CORIN: variants seen among roughly 807,000 people sequenced by gnomAD.
CORIN encodes the protein corin, serine peptidase.
CORIN carries 117 observed loss-of-function variants against 125.3 expected under a neutral mutation model. The observed-to-expected ratio is 0.93, with a 90% CI of 0.80 to 1.09. The LOEUF (loss-of-function observed/expected upper bound fraction) is 1.09. Ranked by LOEUF, CORIN falls within the 50% of genes least tolerant of loss-of-function variation. The pLI is 0.00. For synonymous variants in CORIN, 450 were observed against 466.4 expected (o/e 0.96, Z 0.45); for missense variants, 1,253 against 1,306.7 (o/e 0.96, Z 0.63).
At chr4:47,708,696 T>C (rs1264244160) in intron 5 of CORIN, among the ~76,000 whole-genome samples, 4 of 152,208 alleles carry the variant, frequency 2.6e-5, no homozygotes, top group African/African-American at 7.2e-5. Flanking sequence ...ACCTGCTGAC[T>C]GCCCTCTTCT....
At chr4:47,804,376 A>C (rs1197395484) in intron 2 of CORIN, among the ~76,000 whole-genome samples, 1 of 152,182 alleles carries the variant, frequency 6.6e-6, no homozygotes, top group African/African-American at 2.4e-5. Flanking sequence ...AAAGAAAGGA[A>C]ATCTGTACAT....
At chr4:47,669,668 G>A (rs865907200) in intron 10 of CORIN, among the ~76,000 whole-genome samples, 23 of 151,200 alleles carry the variant, frequency 1.5e-4, no homozygotes, top group Middle Eastern at 3.4e-3. Context: ...TCCTGGGTTC[G>A]CACCATTCTC....
intron 5 of CORIN, among the ~76,000 whole-genome samples, chr4:47,740,388 G>A (rs1038936210): frequency 1.3e-5 from 2 of 151,764 alleles, no homozygotes; most frequent in African/African-American, 4.8e-5. Flanking sequence ...TGGTTGAATT[G>A]TCTATTTTTC....
At chr4:47,681,565 G>C (rs1409934440) in intron 7 of CORIN, 1 of 152,106 alleles carries the variant, frequency 6.6e-6, no homozygotes, top group Non-Finnish European at 1.5e-5. Flanking sequence ...TATCTCACTG[G>C]TAAAGGGAAG....
At chr4:47,803,352 C>T (rs1342676040) in intron 2 of CORIN, among the ~76,000 whole-genome samples, 1 of 152,108 alleles carries the variant, frequency 6.6e-6, no homozygotes, top group Admixed American at 6.5e-5. Context: ...ATAGAAAAAA[C>T]AATTCTAAAA....
intron 5 of CORIN, among the ~76,000 whole-genome samples, chr4:47,698,950 T>C (rs1577839839): frequency 1.3e-5 from 2 of 152,216 alleles, no homozygotes; most frequent in Admixed American, 6.5e-5. Flanking sequence ...CTAAAAGCCA[T>C]AGGCTGGACT....
intron 10 of CORIN, among the ~76,000 whole-genome samples, chr4:47,669,851 G>A (rs1023278598): frequency 6.6e-6 from 1 of 152,150 alleles, no homozygotes; most frequent in Non-Finnish European, 1.5e-5. Flanking sequence ...TTACAGGCGT[G>A]AGCCACCGCA....
At chr4:47,748,574 G>A (rs1699322064) in intron 4 of CORIN, among the ~76,000 whole-genome samples, 1 of 152,056 alleles carries the variant, frequency 6.6e-6, no homozygotes. Context: ...TTCTCACTAG[G>A]AAGGCTGTTA....
intron 6 of CORIN, among the ~76,000 whole-genome samples, chr4:47,689,768 G>A (rs1195367752): frequency 6.6e-6 from 1 of 152,108 alleles, no homozygotes. Context: ...GTGCTTCCAA[G>A]TCTGGCCGTC....
intron 20 of CORIN, among the ~76,000 whole-genome samples, chr4:47,602,866 T>C (rs1721497834): frequency 1.3e-5 from 2 of 152,120 alleles, no homozygotes; most frequent in Admixed American, 1.3e-4. Context: ...GGCCAAAAGC[T>C]ACCTAGCTTT....
At chr4:47,690,262 A>G (rs1725708530) in intron 6 of CORIN, among the ~76,000 whole-genome samples, 1 of 152,158 alleles carries the variant, frequency 6.6e-6, no homozygotes, top group African/African-American at 2.4e-5. Context: ...AGCTGAAAGA[A>G]AAAGCATTAG....
intron 5 of CORIN, among the ~76,000 whole-genome samples, chr4:47,732,617 G>A (rs1346518808): frequency 2.0e-5 from 3 of 148,838 alleles, no homozygotes; most frequent in Non-Finnish European, 4.4e-5. Flanking sequence ...AGGCTGGAGT[G>A]CAGTGGCACG....
chr4:47,796,267 C>A (rs2109933791), intron 2 of CORIN, among the ~76,000 whole-genome samples: 1 of 152,072 alleles, frequency 6.6e-6, no homozygotes, highest in African/African-American at 2.4e-5. Context: ...AATGGTATAT[C>A]ATTTGGCCTT....
chr4:47,600,394 CAA>C, intron 20 of CORIN, 47 bp from the exon 21 acceptor site: 1 of 1,438,162 alleles, frequency 7.0e-7, no homozygotes, highest in Non-Finnish European at 9.4e-7. Context: ...TAAAATGACT[CAA>C]AAGTGAGGCT....
rs1218788687 is a variant in CORIN, at chr4:47,676,409, G to A, written c.1249+1529C>T. Among the ~76,000 whole-genome samples the A allele has an allele frequency of 3.9e-5, 6 of 152,280 alleles. No homozygotes were observed. The East Asian group carries it at 9.6e-4, about 24-fold the overall frequency. ...ACTCATCCTTCAGGTCTGAGCTCCA[G>A]TATCTCTTCCTCAGGGAAGCTTTGT... On this transcript the variant is annotated intron_variant, in intron 9 of 21. Coordinates refer to ENST00000273857, the MANE Select transcript of CORIN (RefSeq NM_006587.4).
chr4:47,794,819 T>A (rs1731221664), intron 2 of CORIN, among the ~76,000 whole-genome samples: 2 of 152,122 alleles, frequency 1.3e-5, no homozygotes, highest in Admixed American at 1.3e-4. Context: ...TCCATACAGC[T>A]GCCAATGACA....
At chr4:47,732,134 G>T (rs1278602402) in intron 5 of CORIN, among the ~76,000 whole-genome samples, 2 of 152,124 alleles carry the variant, frequency 1.3e-5, no homozygotes, top group East Asian at 3.9e-4. Flanking sequence ...AAATATATAA[G>T]ATGTTGAGAA....
chr4:47,613,571 A>G (rs1050310474), intron 19 of CORIN, among the ~76,000 whole-genome samples: 9 of 152,054 alleles, frequency 5.9e-5, no homozygotes, highest in African/African-American at 2.2e-4. Flanking sequence ...ATGTCCAACA[A>G]TGATAGACTG....
At chr4:47,815,070 T>C (rs1732208458) in intron 1 of CORIN, among the ~76,000 whole-genome samples, 1 of 152,170 alleles carries the variant, frequency 6.6e-6, no homozygotes, top group South Asian at 2.1e-4. Flanking sequence ...AAGTCTGAAC[T>C]GTGAGAGACG....
Sources: allele counts gnomAD v4.1 joint callset (sites outside exome capture counted in the v4.1 genomes callset), GRCh38; gene constraint gnomAD v4.1.1; transcripts MANE v1.5; gene names NCBI Gene and HGNC (gene_info 2026-07-23, HGNC 2026-07-21).